The following MAGI2 variants were observed in gnomAD, a reference collection of about 807,000 sequenced individuals.
The protein encoded by MAGI2 is membrane associated guanylate kinase, WW and PDZ domain containing 2, also known as membrane-associated guanylate kinase, WW and PDZ domain-containing protein 2.
MAGI2 carries 35 observed loss-of-function variants against 133.3 expected under a neutral mutation model. The observed-to-expected ratio is 0.26, with a 90% CI of 0.20 to 0.35. The LOEUF (loss-of-function observed/expected upper bound fraction) is 0.35, where lower values mean the gene tolerates loss of function less well. Among genes scored for constraint, MAGI2 ranks in the 10% least tolerant of loss-of-function variants. The probability of loss-of-function intolerance (pLI) is 1.00; values close to 1 mark genes in which losing one functional copy is unlikely to be tolerated. For missense variants in MAGI2, 1,636 were observed against 1,863.4 expected, an observed-to-expected ratio of 0.88 and a Z score of 2.25; for synonymous variants, 729 against 710.6, an observed-to-expected ratio of 1.03 and a Z score of -0.41.
At chr7:79,062,917 C>A (rs748946617) in intron 1 of MAGI2, among the ~76,000 whole-genome samples, 17 of 152,198 alleles carry the variant, frequency 1.1e-4, no homozygotes, top group Non-Finnish European at 2.4e-4. Context: ...AAGAAAGAAA[C>A]AACCACCCAG....
chr7:78,596,308 G>A (rs185584044), intron 3 of MAGI2, among the ~76,000 whole-genome samples: 71 of 152,218 alleles, frequency 4.7e-4, no homozygotes, highest in Non-Finnish European at 9.4e-4. Flanking sequence ...AGCAAGAATG[G>A]AGCCCTGAAG....
At chr7:78,620,686 G>A (rs189875435) in intron 3 of MAGI2, among the ~76,000 whole-genome samples, 4 of 152,058 alleles carry the variant, frequency 2.6e-5, no homozygotes, top group East Asian at 1.9e-4. Context: ...ACTATGTTGT[G>A]TCAGATGCCT....
chr7:79,363,329 C>T (rs1211329147), intron 1 of MAGI2, among the ~76,000 whole-genome samples: 2 of 144,560 alleles, frequency 1.4e-5, no homozygotes, highest in African/African-American at 2.5e-5. Flanking sequence ...TGTCTCTGTA[C>T]TTAAATCATT....
chr7:78,755,058 G>T (rs1282494853), intron 2 of MAGI2, among the ~76,000 whole-genome samples: 3 of 152,118 alleles, frequency 2.0e-5, no homozygotes. Context: ...ACCTTTGCAG[G>T]CCAAAGTAAT....
intron 1 of MAGI2, among the ~76,000 whole-genome samples, chr7:79,244,195 G>A (rs1832648095): frequency 6.6e-6 from 1 of 152,128 alleles, no homozygotes; most frequent in African/African-American, 2.4e-5. Flanking sequence ...GACAGAGTAA[G>A]ATGGCTAAAC....
intron 2 of MAGI2, among the ~76,000 whole-genome samples, chr7:78,929,582 CTG>C (rs1351100595): frequency 1.3e-5 from 2 of 151,952 alleles, no homozygotes; most frequent in Admixed American, 1.3e-4. Flanking sequence ...ATTTGCTGAT[CTG>C]TGGCCCAGTT....
At chr7:79,123,785 CAAAAAA>C (rs71095377) in intron 1 of MAGI2, among the ~76,000 whole-genome samples, 3 of 60,762 alleles carry the variant, frequency 4.9e-5, no homozygotes, top group African/African-American at 1.4e-4. Flanking sequence ...GACTCCATCT[CAAAAAA>C]AAAAAAAAAA....
chr7:78,104,789 C>T (rs957836671), intron 20 of MAGI2, among the ~76,000 whole-genome samples: 1 of 152,186 alleles, frequency 6.6e-6, no homozygotes, highest in Non-Finnish European at 1.5e-5. Context: ...ATCTCCCACT[C>T]CCACCTCCTT....
intron 9 of MAGI2, among the ~76,000 whole-genome samples, chr7:78,290,743 ACTCT>A (rs1171845782): frequency 1.3e-5 from 2 of 151,944 alleles, no homozygotes; most frequent in African/African-American, 4.8e-5. Context: ...ATTATAACAG[ACTCT>A]CAGACCACAG....
At chr7:78,401,441 CCTCTGTCTCCTCT>C (rs72054434) in intron 6 of MAGI2, among the ~76,000 whole-genome samples, 74,765 of 151,284 alleles carry the variant, frequency 0.49, 19,186 homozygotes, top group East Asian at 0.67. Context: ...TTCTTCTCTC[CCTCTGTCTCCTCT>C]CTCTGTCTCT....
At chr7:78,838,661 G>T (rs1791867120) in intron 2 of MAGI2, among the ~76,000 whole-genome samples, 1 of 151,704 alleles carries the variant, frequency 6.6e-6, no homozygotes, top group South Asian at 2.1e-4. Flanking sequence ...TACTGTTCAT[G>T]AACACCTCAA....
intron 1 of MAGI2, among the ~76,000 whole-genome samples, chr7:79,035,729 C>G (rs1231456798): frequency 6.6e-6 from 1 of 152,126 alleles, no homozygotes; most frequent in African/African-American, 2.4e-5. Context: ...TATATTAAGA[C>G]TTTTCCCTAC....
intron 1 of MAGI2, among the ~76,000 whole-genome samples, chr7:79,327,884 A>G (rs1416332718): frequency 2.0e-5 from 3 of 152,160 alleles, no homozygotes; most frequent in Admixed American, 1.3e-4. Flanking sequence ...AAGTTGAAAC[A>G]AAGTTTTGGT....
At chr7:78,384,529 T>C (rs1003126421) in intron 6 of MAGI2, among the ~76,000 whole-genome samples, 3 of 152,188 alleles carry the variant, frequency 2.0e-5, no homozygotes, top group African/African-American at 7.2e-5. Context: ...TCACAATTGA[T>C]TTAAATAATC....
In MAGI2 at chr7:78,376,122, G is replaced by A. The variant is rs548076836; in HGVS notation, c.1046-6909C>T. 8.0e-4 allele frequency among the ~76,000 whole-genome samples: 122 copies of A among 152,152 alleles called. 1 individual carries two copies. The highest frequency in any genetic ancestry group is 2.8e-3 in the African/African-American group (118 of 41,534). On this transcript the variant is annotated intron_variant, in intron 6 of 21. Transcript: ENST00000354212. ...CATTACCTCATGTACAGGTAAAGCT[G>A]GGGGTGTAACTTTTCAGACCTTTTT...
intron 6 of MAGI2, among the ~76,000 whole-genome samples, chr7:78,439,785 A>G (rs1403088528): frequency 1.3e-5 from 2 of 152,066 alleles, no homozygotes; most frequent in African/African-American, 2.4e-5. Flanking sequence ...AGCAGGATAA[A>G]TGTATCATCT....
intron 2 of MAGI2, among the ~76,000 whole-genome samples, chr7:78,687,739 C>T (rs978295589): frequency 1.3e-5 from 2 of 151,722 alleles, no homozygotes; most frequent in Non-Finnish European, 2.9e-5. Flanking sequence ...GAGGCTGAGG[C>T]GGGTGGATCA....
intron 1 of MAGI2, among the ~76,000 whole-genome samples, chr7:79,031,951 G>T (rs1810620922): frequency 6.6e-6 from 1 of 151,758 alleles, no homozygotes; most frequent in Non-Finnish European, 1.5e-5. Context: ...TTCACATCAG[G>T]TATGAAACTA....
intron 9 of MAGI2, among the ~76,000 whole-genome samples, chr7:78,342,611 A>G (rs1236533166): frequency 1.3e-5 from 2 of 152,242 alleles, no homozygotes; most frequent in Admixed American, 6.5e-5. Flanking sequence ...CATATACACC[A>G]TGGAATACTA....
Sources: gnomAD v4.1 joint callset for allele counts (sites outside exome capture counted in the v4.1 genomes callset) on GRCh38, gnomAD v4.1.1 for gene constraint, MANE v1.5 for transcripts, NCBI Gene and HGNC (gene_info 2026-07-23, HGNC 2026-07-21) for gene names.